The following SLC4A4 variants were observed in gnomAD, a reference collection of about 807,000 sequenced individuals.
SLC4A4 encodes the protein solute carrier family 4 member 4.
Under a neutral mutation model 111.5 loss-of-function variants are expected in SLC4A4, and 27 were observed. The observed-to-expected ratio is 0.24, with a 90% CI of 0.18 to 0.33. SLC4A4 has a LOEUF of 0.33. Among genes scored for constraint, SLC4A4 ranks in the 10% least tolerant of loss-of-function variants. The pLI, the probability that SLC4A4 is intolerant of heterozygous loss-of-function variation, is 1.00. For missense variants in SLC4A4, 909 were observed against 1,315.5 expected, an observed-to-expected ratio of 0.69 and a Z score of 4.78; for synonymous variants, 443 against 463.4, an observed-to-expected ratio of 0.96 and a Z score of 0.57.
chr4:71,516,080 CTTTTTTTTTTTTTTTTTTTTT>C (rs60338885), intron 16 of SLC4A4, among the ~76,000 whole-genome samples: 2 of 30,610 alleles, frequency 6.5e-5, no homozygotes, highest in African/African-American at 2.6e-4. Flanking sequence ...TGGGGGATTT[CTTTTTTTTTTTTTTTTTTTTT>C]TTTTTTTTTT....
chr4:71,248,531 A>G (rs1245462742), intron 2 of SLC4A4, among the ~76,000 whole-genome samples: 1 of 151,932 alleles, frequency 6.6e-6, no homozygotes, highest in Non-Finnish European at 1.5e-5. Context: ...TGGAGAATCA[A>G]CTTTGAAGAT....
At chr4:71,323,905 C>T (rs1727305665) in intron 3 of SLC4A4, among the ~76,000 whole-genome samples, 1 of 151,732 alleles carries the variant, frequency 6.6e-6, no homozygotes. Context: ...TCCTTGGGAA[C>T]GTTGGGAGTT....
intron 1 of SLC4A4, among the ~76,000 whole-genome samples, chr4:71,190,205 T>C (rs1236830610): frequency 6.6e-6 from 1 of 152,226 alleles, no homozygotes; most frequent in Non-Finnish European, 1.5e-5. Context: ...GTATTCCAAA[T>C]ACATTTTGCC....
At chr4:71,520,104 T>A (rs1732792152) in intron 16 of SLC4A4, among the ~76,000 whole-genome samples, 1 of 152,214 alleles carries the variant, frequency 6.6e-6, no homozygotes, top group Non-Finnish European at 1.5e-5. Context: ...GCTTAAACAT[T>A]ATACATAAGA....
intron 2 of SLC4A4, among the ~76,000 whole-genome samples, chr4:71,137,263 C>T (rs754738412): frequency 6.6e-6 from 1 of 152,166 alleles, no homozygotes; most frequent in Non-Finnish European, 1.5e-5. Context: ...GTTCTGATAA[C>T]TGGATCCCTG....
intron 7 of SLC4A4, among the ~76,000 whole-genome samples, chr4:71,408,256 A>T (rs1341742999): frequency 6.6e-6 from 1 of 152,178 alleles, no homozygotes; most frequent in Non-Finnish European, 1.5e-5. Context: ...GACTTAAGTA[A>T]GCATAGTAAA....
At chr4:71,288,398 G>C (rs959791927) in intron 3 of SLC4A4, among the ~76,000 whole-genome samples, 5 of 146,754 alleles carry the variant, frequency 3.4e-5, no homozygotes, top group African/African-American at 1.3e-4. Flanking sequence ...AACAAATATA[G>C]GGTAGGGGAT....
chr4:71,371,225 C>G (rs1731842285), intron 6 of SLC4A4, among the ~76,000 whole-genome samples: 1 of 147,386 alleles, frequency 6.8e-6, no homozygotes, highest in African/African-American at 2.5e-5. Context: ...TGTTGATAAA[C>G]TCTACCCTTC....
intron 16 of SLC4A4, among the ~76,000 whole-genome samples, chr4:71,498,765 T>A (rs1356957225): frequency 6.6e-6 from 1 of 152,152 alleles, no homozygotes; most frequent in East Asian, 1.9e-4. Flanking sequence ...CTGCTTAACA[T>A]GGGCATTACA....
At chr4:71,457,802 C>G (rs141139130) in intron 12 of SLC4A4, among the ~76,000 whole-genome samples, 1 of 152,018 alleles carries the variant, frequency 6.6e-6, no homozygotes, top group African/African-American at 2.4e-5. Flanking sequence ...TTCCAGGACC[C>G]CCTTTCCTCC....
At chr4:71,536,374 A>G (rs1020313406) in intron 18 of SLC4A4, among the ~76,000 whole-genome samples, 2 of 148,842 alleles carry the variant, frequency 1.3e-5, no homozygotes, top group Middle Eastern at 3.4e-3. Context: ...AAAATCTGCT[A>G]CATTTGTACT....
chr4:71,083,549 A>T (rs1742054310), intron 1 of SLC4A4, among the ~76,000 whole-genome samples: 1 of 152,026 alleles, frequency 6.6e-6, no homozygotes, highest in African/African-American at 2.4e-5. Flanking sequence ...TGAATGAAAT[A>T]AACTGATACC....
chr4:71,339,002 T>A, intron 3 of SLC4A4: 1 of 1,346,156 alleles, frequency 7.4e-7, no homozygotes, highest in Non-Finnish European at 9.7e-7. Context: ...AAAAAGTGAC[T>A]GGTTCAAGCT....
chr4:71,324,548 G>A (rs1053591609), intron 3 of SLC4A4, among the ~76,000 whole-genome samples: 8 of 151,866 alleles, frequency 5.3e-5, no homozygotes, highest in Admixed American at 1.3e-4. Flanking sequence ...GCTTAGCAGC[G>A]TTTTAAAAAG....
At chr4:71,201,933 A>T (rs1388403333) in intron 1 of SLC4A4, among the ~76,000 whole-genome samples, 1 of 152,184 alleles carries the variant, frequency 6.6e-6, no homozygotes, top group Non-Finnish European at 1.5e-5. Flanking sequence ...GTATGTGTGT[A>T]TTAGTTGTTG....
chr4:71,549,547 C>T (rs550664966), intron 20 of SLC4A4, among the ~76,000 whole-genome samples: 66 of 151,926 alleles, frequency 4.3e-4, no homozygotes, highest in African/African-American at 1.4e-3. Context: ...ATTTACTCAT[C>T]GCCTCCCCCA....
intron 7 of SLC4A4, among the ~76,000 whole-genome samples, chr4:71,404,962 A>T (rs1720709159): frequency 6.7e-6 from 1 of 148,374 alleles, no homozygotes; most frequent in Non-Finnish European, 1.5e-5. Context: ...TACCCAGCTA[A>T]TTTTTTTTTT....
rs1734212310 is a variant in SLC4A4 at position 71,534,286 on chromosome 4, G to T, written c.2340G>T (p.Val780=). 6.2e-7 allele frequency: 1 copy of T among 1,613,596 alleles called. No homozygotes were observed. Among genetic ancestry groups the T allele is most frequent in the African/African-American group, 1.3e-5 (1 of 74,902 alleles). The change falls in exon 18 of 26, where the codon GTG becomes GTT. Residue 780 remains valine, a synonymous_variant. Coordinates refer to ENST00000264485, the MANE Select transcript of SLC4A4 (RefSeq NM_001098484.3). ...VPPFGENPWW[V]CLAAAIPALL... ...CGTTTGGAGAAAACCCCTGGTGGGTGTGCCTTGCTGCTGCTATCCCGGCTT... is the reference window on the plus strand; with the variant it reads ...CGTTTGGAGAAAACCCCTGGTGGGTTTGCCTTGCTGCTGCTATCCCGGCTT...
chr4:71,439,465 A>G (rs897859413), intron 7 of SLC4A4, among the ~76,000 whole-genome samples: 17 of 141,302 alleles, frequency 1.2e-4, no homozygotes, highest in South Asian at 7.3e-4. Context: ...AAAAAAAAAA[A>G]AAAAAAGAAA....
Sources: gnomAD v4.1 joint callset for allele counts (sites outside exome capture counted in the v4.1 genomes callset) on GRCh38, gnomAD v4.1.1 for gene constraint, MANE v1.5 for transcripts, NCBI Gene and HGNC (gene_info 2026-07-23, HGNC 2026-07-21) for gene names.